FYB1: variants seen among roughly 807,000 people sequenced by gnomAD.
FYB1 encodes the protein FYN binding protein 1.
In FYB1, 41 loss-of-function variants were observed where a neutral mutation model predicts 94.1. That is an observed-to-expected ratio of 0.44 (90% CI 0.34 to 0.57). The LOEUF is 0.57. Ranked by LOEUF, FYB1 falls within the 20% of genes least tolerant of loss-of-function variation. The pLI is 0.02. For missense variants in FYB1, 1,050 were observed against 976.8 expected, an observed-to-expected ratio of 1.07 and a Z score of -1.00; for synonymous variants, 367 against 353.2, an observed-to-expected ratio of 1.04 and a Z score of -0.44.
At chr5:39,125,513 GA>G (rs1211975842) in intron 12 of FYB1, among the ~76,000 whole-genome samples, 1 of 151,954 alleles carries the variant, frequency 6.6e-6, no homozygotes, top group Admixed American at 6.6e-5. Flanking sequence ...TGTACTTAGA[GA>G]AAAAAATTCA....
At chr5:39,247,388 A>T (rs1751527366) in intron 1 of FYB1, among the ~76,000 whole-genome samples, 1 of 152,014 alleles carries the variant, frequency 6.6e-6, no homozygotes, top group Non-Finnish European at 1.5e-5. Flanking sequence ...AATTTGACAC[A>T]TGATAAAATC....
intron 1 of FYB1, among the ~76,000 whole-genome samples, chr5:39,233,673 T>G (rs1304574041): frequency 6.6e-6 from 1 of 152,180 alleles, no homozygotes; most frequent in Admixed American, 6.6e-5. Flanking sequence ...CAAATGTGTT[T>G]AATGCCTGGC....
intron 1 of FYB1, among the ~76,000 whole-genome samples, chr5:39,239,908 CTA>C (rs1229648918): frequency 1.3e-5 from 2 of 152,134 alleles, no homozygotes; most frequent in African/African-American, 2.4e-5. Context: ...CAATTTCAAA[CTA>C]TACTATAAGG....
At chr5:39,175,067 G>C (rs1319892415) in intron 2 of FYB1, among the ~76,000 whole-genome samples, 1 of 152,066 alleles carries the variant, frequency 6.6e-6, no homozygotes, top group East Asian at 1.9e-4. Context: ...TTATTTAGGA[G>C]TAAGCAAGAT....
intron 11 of FYB1, among the ~76,000 whole-genome samples, chr5:39,126,695 CAAA>C (rs1272438775): frequency 3.4e-5 from 1 of 29,022 alleles, no homozygotes. Flanking sequence ...GACCTGGTCT[CAAA>C]AAAAAAAAAA....
intron 16 of FYB1, 59 bp from the exon 17 acceptor site, chr5:39,110,448 C>G: frequency 9.0e-7 from 1 of 1,116,002 alleles, no homozygotes; most frequent in Non-Finnish European, 1.3e-6. Flanking sequence ...ATCTTTAGTA[C>G]TTTTTTCAGG....
rs1159597834 is a variant in FYB1, at chr5:39,106,702, A to G, written c.*741T>C. The G allele has an allele frequency of 1.3e-5, 2 of 152,128 alleles. No homozygotes were observed. The highest frequency in any genetic ancestry group is 3.2e-3 in the Middle Eastern group (1 of 316). The allele number at this position is 152,128 out of a possible 1,614,324, so 9.4% of individuals were successfully genotyped here. ...CCTCATTCAGATCTACTCTAGTTATAATAGTACTTTAAACAGAGCACAGAA... is the reference window on the plus strand; with the variant it reads ...CCTCATTCAGATCTACTCTAGTTATGATAGTACTTTAAACAGAGCACAGAA... On this transcript the variant is annotated 3_prime_UTR_variant, in exon 19 of 19. Coordinates refer to ENST00000512982, the MANE Select transcript of FYB1 (RefSeq NM_001465.6).
intron 1 of FYB1, among the ~76,000 whole-genome samples, chr5:39,256,321 C>G (rs898118971): frequency 1.3e-5 from 2 of 152,084 alleles, no homozygotes; most frequent in African/African-American, 4.8e-5. Context: ...CCCTCCCCAC[C>G]TTTTTTTGGT....
chr5:39,107,611 A>G (rs1305141517), intron 18 of FYB1, 146 bp from the exon 19 acceptor site: 12 of 452,776 alleles, frequency 2.7e-5, no homozygotes, highest in Non-Finnish European at 4.7e-5. Flanking sequence ...AATGAGTTAA[A>G]TGGAAGATCA....
intron 1 of FYB1, among the ~76,000 whole-genome samples, chr5:39,249,834 GAGTT>G (rs1172154560): frequency 6.6e-5 from 10 of 152,168 alleles, no homozygotes; most frequent in Non-Finnish European, 1.3e-4. Context: ...CATCAGCAAA[GAGTT>G]AGTAGCTAAT....
At position 39,235,047 on chromosome 5, in the gene FYB1, AAAGAAT is replaced by A. The variant is rs575896340; in HGVS notation, c.-27-32066_-27-32061del. On this transcript the variant is annotated intron_variant, in intron 1 of 1. Coordinates refer to the FYB1 transcript ENST00000510188. The stretch of plus-strand genomic sequence containing the variant: ...CTTCTGCATATGTATCCAAGAACTT[AAAGAAT>A]AATAATAATAATAATAATAATAATA... Among the ~76,000 whole-genome samples, 22 of 49,892 alleles carry A rather than the reference AAAGAAT, an allele frequency of 4.4e-4. No individual in the cohort carries two copies. The South Asian group carries it at 0.019, about 43-fold the overall frequency. 32.7% of individuals were successfully genotyped at this position (49,892 alleles called of 152,430 possible). A position where few individuals can be genotyped will look rare whatever the true frequency, so the allele number is the denominator to read the frequency against.
At chr5:39,262,344 T>A (rs140948874) in intron 1 of FYB1, among the ~76,000 whole-genome samples, 1,735 of 152,240 alleles carry the variant, frequency 0.011, 34 homozygotes, top group African/African-American at 0.038. Flanking sequence ...ACATGAGAGA[T>A]AATTTACAGA....
intron 1 of FYB1, among the ~76,000 whole-genome samples, chr5:39,241,967 T>C (rs771128783): frequency 2.6e-5 from 4 of 152,160 alleles, no homozygotes; most frequent in Admixed American, 6.5e-5. Flanking sequence ...GTTGCATTAC[T>C]TTTTCTTTCA....
intron 2 of FYB1, among the ~76,000 whole-genome samples, chr5:39,197,107 G>T (rs1483570147): frequency 6.6e-6 from 1 of 152,094 alleles, no homozygotes; most frequent in Non-Finnish European, 1.5e-5. Flanking sequence ...AGTTTAAAAG[G>T]CATATAGAGT....
intron 1 of FYB1, among the ~76,000 whole-genome samples, chr5:39,253,377 A>G (rs1751806184): frequency 6.6e-6 from 1 of 152,158 alleles, no homozygotes; most frequent in Admixed American, 6.6e-5. Flanking sequence ...GCCAAAAGCC[A>G]TCTGGGGAGT....
intron 3 of FYB1, among the ~76,000 whole-genome samples, chr5:39,146,909 G>T (rs1466022275): frequency 6.6e-6 from 1 of 152,098 alleles, no homozygotes; most frequent in African/African-American, 2.4e-5. Context: ...AAGAAATGAG[G>T]AAAATAAATA....
intron 1 of FYB1, among the ~76,000 whole-genome samples, chr5:39,255,356 T>A (rs1364597075): frequency 3.3e-5 from 5 of 152,012 alleles, no homozygotes; most frequent in African/African-American, 1.2e-4. Context: ...ACCAACGTAC[T>A]GCCACCTACA....
chr5:39,254,208 C>G (rs1751844275), intron 1 of FYB1, among the ~76,000 whole-genome samples: 1 of 152,196 alleles, frequency 6.6e-6, no homozygotes, highest in South Asian at 2.1e-4. Context: ...TGGCTCTATA[C>G]TCAGTAATGG....
chr5:39,264,193 T>G (rs889372802), intron 1 of FYB1, among the ~76,000 whole-genome samples: 3 of 152,170 alleles, frequency 2.0e-5, no homozygotes, highest in Non-Finnish European at 4.4e-5. Flanking sequence ...TAGATGAACA[T>G]TCTTTTGCAT....
Sources: allele counts gnomAD v4.1 joint callset (sites outside exome capture counted in the v4.1 genomes callset), GRCh38; gene constraint gnomAD v4.1.1; transcripts MANE v1.5; gene names NCBI Gene and HGNC (gene_info 2026-07-23, HGNC 2026-07-21).